The following MAF variants were observed in gnomAD, a reference collection of about 807,000 sequenced individuals.
MAF encodes transcription factor Maf.
Under a neutral mutation model 22.0 loss-of-function variants are expected in MAF, and 10 were observed. The ratio of observed to expected loss-of-function variants is 0.45; its 90% CI spans 0.28 to 0.77. The LOEUF (loss-of-function observed/expected upper bound fraction) is 0.77, where lower values mean the gene tolerates loss of function less well. Ranked by LOEUF, MAF falls within the 30% of genes least tolerant of loss-of-function variation. MAF has a pLI of 0.12. For missense variants in MAF, 544 were observed against 548.4 expected (o/e 0.99, Z 0.08); for synonymous variants, 337 against 255.8 (o/e 1.32, Z -3.03).
intron 1 of MAF, chr16:79,598,165 CTTT>C (rs1257032192): frequency 3.1e-6 from 3 of 976,788 alleles, no homozygotes; most frequent in Middle Eastern, 4.7e-4. Flanking sequence ...AAAAACTTTG[CTTT>C]TTTTTTTCTT....
chr16:79,502,135 A>G, the MAF span, among the ~76,000 whole-genome samples: 1 of 152,152 alleles, frequency 6.6e-6, no homozygotes, highest in Admixed American at 6.5e-5. Context: ...CCCTCTCAAG[A>G]GCCCCTTGTC....
the MAF span, chr16:79,205,400 CAAAG>C: frequency 6.6e-6 from 1 of 152,154 alleles, no homozygotes; most frequent in East Asian, 1.9e-4. Context: ...CTGTTGCTAG[CAAAG>C]AAATATTTTT....
At chr16:79,256,301 T>G in the MAF span, among the ~76,000 whole-genome samples, 1 of 152,140 alleles carries the variant, frequency 6.6e-6, no homozygotes, top group Non-Finnish European at 1.5e-5. Context: ...TAGAGAGATG[T>G]CTGAATGAAT....
chr16:79,262,556 A>AC, the MAF span, among the ~76,000 whole-genome samples: 1 of 152,140 alleles, frequency 6.6e-6, no homozygotes, highest in African/African-American at 2.4e-5. Context: ...AGGATACAGC[A>AC]CACGCAAAGG....
At chr16:79,474,682 C>T in the MAF span, among the ~76,000 whole-genome samples, 6 of 152,134 alleles carry the variant, frequency 3.9e-5, no homozygotes, top group Non-Finnish European at 8.8e-5. Context: ...CTGGATGCCA[C>T]ACTCCTTCTT....
the MAF span, among the ~76,000 whole-genome samples, chr16:79,483,648 G>T: frequency 6.6e-6 from 1 of 152,278 alleles, no homozygotes; most frequent in Admixed American, 6.5e-5. Context: ...GGTAGCAGCA[G>T]ATGCAAAGAT....
At chr16:79,383,828 C>T in the MAF span, among the ~76,000 whole-genome samples, 1 of 151,994 alleles carries the variant, frequency 6.6e-6, no homozygotes, top group Non-Finnish European at 1.5e-5. Context: ...TCAAAAAGAG[C>T]CTTATAGTTT....
chr16:79,544,226 A>G, the MAF span, among the ~76,000 whole-genome samples: 1 of 152,246 alleles, frequency 6.6e-6, no homozygotes, highest in African/African-American at 2.4e-5. Flanking sequence ...AACTAGCTAC[A>G]TATGGCTATT....
At chr16:79,253,540 CCT>C in the MAF span, among the ~76,000 whole-genome samples, 2 of 152,092 alleles carry the variant, frequency 1.3e-5, no homozygotes, top group Non-Finnish European at 2.9e-5. Context: ...TAGCACGTGG[CCT>C]CTCTTTTCTA....
the MAF span, among the ~76,000 whole-genome samples, chr16:79,500,864 G>T: frequency 6.6e-6 from 1 of 152,130 alleles, no homozygotes; most frequent in Non-Finnish European, 1.5e-5. Flanking sequence ...GAGAGTGTAT[G>T]GAAGAATCTT....
At chr16:79,249,129 AG>A in the MAF span, among the ~76,000 whole-genome samples, 2 of 152,138 alleles carry the variant, frequency 1.3e-5, no homozygotes, top group African/African-American at 4.8e-5. Context: ...CCTTTATAAA[AG>A]AAGTTGAGGC....
chr16:79,455,207 A>G, the MAF span, among the ~76,000 whole-genome samples: 272 of 152,252 alleles, frequency 1.8e-3, no homozygotes, highest in Middle Eastern at 0.01. Flanking sequence ...TACCTAGACT[A>G]TCAGTATCCT....
At chr16:79,362,792 C>G in the MAF span, among the ~76,000 whole-genome samples, 1 of 152,198 alleles carries the variant, frequency 6.6e-6, no homozygotes, top group Non-Finnish European at 1.5e-5. Context: ...ATGGGAACAC[C>G]TGGTGCTCTA....
the MAF span, among the ~76,000 whole-genome samples, chr16:79,244,578 A>G: frequency 6.6e-6 from 1 of 152,134 alleles, no homozygotes; most frequent in African/African-American, 2.4e-5. Flanking sequence ...GGACACAAAC[A>G]AATGGAAAAA....
the MAF span, among the ~76,000 whole-genome samples, chr16:79,276,288 C>G: frequency 6.6e-6 from 1 of 152,184 alleles, no homozygotes; most frequent in Non-Finnish European, 1.5e-5. Context: ...ACCCTTTAGA[C>G]TGGTCTAAAT....
At chr16:79,456,571 T>A in the MAF span, among the ~76,000 whole-genome samples, 1 of 152,158 alleles carries the variant, frequency 6.6e-6, no homozygotes, top group Non-Finnish European at 1.5e-5. Flanking sequence ...TAAACCATGC[T>A]CAGAGTATGG....
At chr16:79,478,123 G>C in the MAF span, among the ~76,000 whole-genome samples, 1 of 152,180 alleles carries the variant, frequency 6.6e-6, no homozygotes, top group Admixed American at 6.5e-5. Flanking sequence ...ACAGCCTCCA[G>C]ACTACTGAGT....
At chr16:79,366,232 C>T in the MAF span, among the ~76,000 whole-genome samples, 2 of 152,270 alleles carry the variant, frequency 1.3e-5, no homozygotes, top group East Asian at 1.9e-4. Flanking sequence ...ATATATTCAG[C>T]TCTACAAGAT....
chr16:79,406,711 C>G, the MAF span, among the ~76,000 whole-genome samples: 1 of 152,164 alleles, frequency 6.6e-6, no homozygotes, highest in African/African-American at 2.4e-5. Context: ...AGAGTCAGAT[C>G]TGAGATTTGA....
Sources: gnomAD v4.1 joint callset for allele counts (sites outside exome capture counted in the v4.1 genomes callset) on GRCh38, gnomAD v4.1.1 for gene constraint, MANE v1.5 for transcripts, NCBI Gene and HGNC (gene_info 2026-07-23, HGNC 2026-07-21) for gene names.